The following AZI2 variants were observed in gnomAD, a reference collection of about 807,000 sequenced individuals.
The protein encoded by AZI2 is 5-azacytidine induced 2.
In AZI2, 22 loss-of-function variants were observed where a neutral mutation model predicts 45.8. The ratio of observed to expected loss-of-function variants is 0.48; its 90% CI spans 0.34 to 0.69. The LOEUF is 0.69. Among genes scored for constraint, AZI2 ranks in the 30% least tolerant of loss-of-function variants. AZI2 has a pLI of 0.01. For missense variants in AZI2, 417 were observed against 441.5 expected (o/e 0.94, Z 0.50); for synonymous variants, 137 against 156.7 (o/e 0.87, Z 0.94).
chr3:28,342,430 C>A (rs1433294437), intron 1 of AZI2, among the ~76,000 whole-genome samples: 1 of 151,816 alleles, frequency 6.6e-6, no homozygotes, highest in South Asian at 2.1e-4. Context: ...TACAGTATAC[C>A]AAAAAAGTGG....
In AZI2 at chr3:28,323,841, A is replaced by G. The variant is rs1372461448; in HGVS notation, c.*201T>C. 1 of 463,074 alleles carries G rather than the reference A, an allele frequency of 2.2e-6. No individual in the cohort carries two copies. Among genetic ancestry groups the G allele is most frequent in the African/African-American group, 1.9e-5 (1 of 51,346 alleles). The allele number at this position is 463,074 out of a possible 1,614,324, so 28.7% of individuals were successfully genotyped here. ...GTAGCATATTTCAGATTCTTAGAAT[A>G]TGGAGCTAGAGGGTGCTCTTTCATA... On this transcript the variant is annotated 3_prime_UTR_variant, in exon 8 of 8. Transcript: ENST00000479665.
intron 6 of AZI2, among the ~76,000 whole-genome samples, chr3:28,327,855 TA>T (rs550756504): frequency 1.4e-3 from 209 of 149,650 alleles, no homozygotes; most frequent in African/African-American, 4.5e-3. Context: ...CTTATAACAT[TA>T]AAAAAAAATT....
intron 5 of AZI2, among the ~76,000 whole-genome samples, chr3:28,335,790 T>C (rs1703767087): frequency 6.6e-6 from 1 of 152,004 alleles, no homozygotes; most frequent in African/African-American, 2.4e-5. Context: ...CCCTTTCAGA[T>C]GGTGGCATCC....
chr3:28,332,392 A>G lies in AZI2; in HGVS notation c.624T>C (p.Asp208=), dbSNP rs1577126895. Residue 208 remains aspartate (D), a synonymous_variant, in exon 6 of 8, where the codon GAT becomes GAC. Coordinates refer to ENST00000479665, the MANE Select transcript of AZI2 (RefSeq NM_022461.5). ...ACCTTGAAATGCTTAGTTTTTGGAG[A>G]TCTCTGCTCTTCAGATTGTCTTCCT... The part of the protein sequence containing the change: ...PYQEDNLKSR[D]LQKLSISSDN... 8 of 1,608,784 alleles carry G rather than the reference A, an allele frequency of 5.0e-6. No individual in the cohort carries two copies. Among genetic ancestry groups the G allele is most frequent in the African/African-American group, 1.3e-5 (1 of 74,720 alleles).
intron 6 of AZI2, 78 bp from the exon 7 acceptor site, chr3:28,327,028 A>C (rs866061610): frequency 1.0e-6 from 1 of 993,082 alleles, no homozygotes; most frequent in Middle Eastern, 2.3e-4. Flanking sequence ...AGAAATATGC[A>C]GATCAAGTTT....
At chr3:28,327,730 T>C (rs1170387193) in intron 6 of AZI2, among the ~76,000 whole-genome samples, 1 of 151,054 alleles carries the variant, frequency 6.6e-6, no homozygotes, top group Admixed American at 6.6e-5. Context: ...ATTCAGACAT[T>C]CATGATTTTC....
Position 28,330,943 on chromosome 3 carries a change from GAGCC to G in AZI2, c.647+1422_647+1425del, listed in dbSNP as rs369695113. ...TAAAGAATTGCGAGACTATACTCTG[GAGCC>G]ACAATTACAGCTTTGCAGCCTTGAA... is the stretch of plus-strand genomic sequence containing the variant. On this transcript the variant is annotated intron_variant, in intron 6 of 7. Coordinates refer to ENST00000479665, the MANE Select transcript of AZI2 (RefSeq NM_022461.5). 2.9e-3 allele frequency among the ~76,000 whole-genome samples: 441 copies of G among 151,438 alleles called. 1 individual carries two copies. Among genetic ancestry groups the G allele is most frequent in the African/African-American group, 9.6e-3 (396 of 41,416 alleles).
chr3:28,347,493 A>G lies in AZI2; in HGVS notation c.-6+1108T>C, dbSNP rs575566654. ...TCAGGCAGCTGACTCCAGAGCCAGCATAACTCTTAGAAACTATGCTTTGGT... is the reference window on the plus strand; with the variant it reads ...TCAGGCAGCTGACTCCAGAGCCAGCGTAACTCTTAGAAACTATGCTTTGGT... On this transcript the variant is annotated intron_variant, in intron 1 of 7. Transcript: ENST00000479665. Among the ~76,000 whole-genome samples, 27 of 152,352 alleles carry G rather than the reference A, an allele frequency of 1.8e-4. No homozygotes were observed. In the South Asian group the frequency reaches 5.2e-3, roughly 29 times the overall value.
At chr3:28,330,731 T>C (rs1269629094) in intron 6 of AZI2, among the ~76,000 whole-genome samples, 1 of 151,318 alleles carries the variant, frequency 6.6e-6, no homozygotes, top group East Asian at 1.9e-4. Context: ...GTCTACCTGA[T>C]ACAAATGCAA....
intron 6 of AZI2, chr3:28,331,719 G>T: frequency 7.3e-7 from 1 of 1,367,860 alleles, no homozygotes; most frequent in Non-Finnish European, 9.5e-7. Context: ...TGGATGGAGG[G>T]TAACAATGTA....
chr3:28,329,950 T>C (rs967555247), intron 6 of AZI2, among the ~76,000 whole-genome samples: 2 of 151,450 alleles, frequency 1.3e-5, no homozygotes, highest in South Asian at 4.1e-4. Context: ...TTATTATAAC[T>C]AATAAAATTT....
At chr3:28,337,625 A>G (rs1703845724) in intron 4 of AZI2, among the ~76,000 whole-genome samples, 1 of 152,162 alleles carries the variant, frequency 6.6e-6, no homozygotes, top group South Asian at 2.1e-4. Flanking sequence ...AGCCAGGACA[A>G]CCAGTGGGCT....
At position 28,323,612 on chromosome 3, in the gene AZI2, C is replaced by CT. The variant is rs1703263193; in HGVS notation, c.*429dup. The CT allele has an allele frequency of 6.5e-6, 1 of 153,558 alleles. No homozygotes were observed. Among genetic ancestry groups the CT allele is most frequent in the Admixed American group, 6.5e-5 (1 of 15,362 alleles). 9.5% of individuals were successfully genotyped at this position (153,558 alleles called of 1,614,324 possible). On this transcript the variant is annotated 3_prime_UTR_variant, in exon 8 of 8. Coordinates refer to ENST00000479665, the MANE Select transcript of AZI2 (RefSeq NM_022461.5). ...CGCATTATAACAACAGAAATGTAAC[C>CT]TACTCACATTGCCATTTGTTCCATT...
At chr3:28,338,382 C>A in intron 3 of AZI2, 111 bp downstream of exon 3, 1 of 1,231,500 alleles carries the variant, frequency 8.1e-7, no homozygotes, top group Non-Finnish European at 1.1e-6. Flanking sequence ...AACATGTATA[C>A]AAAATTTTAA....
intron 5 of AZI2, among the ~76,000 whole-genome samples, chr3:28,334,747 G>T (rs549320288): frequency 2.2e-4 from 34 of 151,858 alleles, no homozygotes; most frequent in Non-Finnish European, 4.9e-4. Flanking sequence ...TAGTGGAAAA[G>T]AATAACTAAA....
At chr3:28,331,487 A>G (rs1703567810) in intron 6 of AZI2, among the ~76,000 whole-genome samples, 1 of 151,548 alleles carries the variant, frequency 6.6e-6, no homozygotes, top group Non-Finnish European at 1.5e-5. Context: ...CACAAAGCCG[A>G]ATAAAACAGT....
chr3:28,326,646 C>T (rs1703402334), intron 7 of AZI2, 186 bp downstream of exon 7: 8 of 638,986 alleles, frequency 1.3e-5, no homozygotes, highest in African/African-American at 5.6e-5. Context: ...ATCAGCAACA[C>T]CTTTATGTGT....
intron 5 of AZI2, among the ~76,000 whole-genome samples, chr3:28,335,563 G>A (rs1001177809): frequency 6.6e-6 from 1 of 151,952 alleles, no homozygotes; most frequent in Non-Finnish European, 1.5e-5. Flanking sequence ...AGGGATGGGG[G>A]TGCCAAAGGG....
At chr3:28,337,908 AG>A in intron 4 of AZI2, 28 bp downstream of exon 4, 1 of 1,336,414 alleles carries the variant, frequency 7.5e-7, no homozygotes, top group African/African-American at 1.5e-5. Context: ...TAATTCTGTT[AG>A]AATATTTATA....
Sources: gnomAD v4.1 joint callset for allele counts (sites outside exome capture counted in the v4.1 genomes callset) on GRCh38, gnomAD v4.1.1 for gene constraint, MANE v1.5 for transcripts, NCBI Gene and HGNC (gene_info 2026-07-23, HGNC 2026-07-21) for gene names.